The following KLF17 variants were observed in gnomAD, a reference collection of about 807,000 sequenced individuals.
KLF17 encodes Krueppel-like factor 17.
KLF17 carries 31 observed loss-of-function variants against 34.2 expected under a neutral mutation model. That is an observed-to-expected ratio of 0.91 (90% CI 0.68 to 1.22). KLF17 has a LOEUF of 1.22. Ranked by LOEUF, KLF17 falls within the 50% of genes most tolerant of loss-of-function variation. The probability of loss-of-function intolerance (pLI) is 0.00; values close to 1 mark genes in which losing one functional copy is unlikely to be tolerated. For missense variants in KLF17, 478 were observed against 505.2 expected, an observed-to-expected ratio of 0.95 and a Z score of 0.52; for synonymous variants, 179 against 186.7, an observed-to-expected ratio of 0.96 and a Z score of 0.34.
At chr1:44,069,122 G>GACATT in the KLF17 span, among the ~76,000 whole-genome samples, 1 of 152,174 alleles carries the variant, frequency 6.6e-6, no homozygotes, top group Non-Finnish European at 1.5e-5. The surrounding 1 kb of genome is among the most constrained non-coding windows in gnomAD (Gnocchi z 4.7). Context: ...CTGGGTGGGA[G>GACATT]ACATTTCAGG....
At chr1:44,118,356 C>T (rs2087902880), upstream of KLF17, among the ~76,000 whole-genome samples, 2 of 152,228 alleles carry the variant, frequency 1.3e-5, no homozygotes, top group Non-Finnish European at 2.9e-5. Context: ...AGCTCCCAGT[C>T]TTCAGTTCGT....
intron 2 of KLF17, 124 bp from the exon 3 acceptor site, chr1:44,130,388 T>G (rs1185434982): frequency 1.4e-6 from 2 of 1,416,304 alleles, no homozygotes; most frequent in Non-Finnish European, 2.0e-6. Context: ...CTGATTGTGT[T>G]GCCCCTCCCT....
chr1:44,103,962 T>C, the KLF17 span: 7 of 865,568 alleles, frequency 8.1e-6, no homozygotes, highest in Non-Finnish European at 1.2e-5. Context: ...CCGCCTGCGG[T>C]TGGCGATCTC....
rs746059800 is a variant in KLF17, at chr1:44,129,691, TCCAAGGGTAG to T, written c.424_433del (p.Arg142GlyfsTer7). ...TAATGCCCGTAGGAGAGCCCAATATTCCAAGGGTAGCCAGGCCCTTCGGTGGGAATCTAAG... is the reference window on the plus strand; with the variant it reads ...TAATGCCCGTAGGAGAGCCCAATATTCCAGGCCCTTCGGTGGGAATCTAAG... On this transcript the variant is annotated frameshift_variant, in exon 2 of 4. Transcript: ENST00000372299. LOFTEE classifies it high-confidence loss of function. 20 of 1,614,036 alleles carry T rather than the reference TCCAAGGGTAG, an allele frequency of 1.2e-5. No individual in the cohort carries two copies. The highest frequency in any genetic ancestry group is 1.5e-5 in the Non-Finnish European group (18 of 1,180,020).
At chr1:44,117,913 A>G (rs1438025238), upstream of KLF17, among the ~76,000 whole-genome samples, 1 of 152,198 alleles carries the variant, frequency 6.6e-6, no homozygotes, top group Non-Finnish European at 1.5e-5. Flanking sequence ...TCCTGTTTAA[A>G]AGCATCAGTG....
chr1:44,130,607 C>T lies in KLF17; in HGVS notation c.1021C>T (p.Arg341Ter), dbSNP rs147184873. 44 of 1,613,934 alleles carry T rather than the reference C, an allele frequency of 2.7e-5. 1 individual carries two copies. The South Asian group carries it at 3.8e-4, about 14-fold the overall frequency. ...ACATATGCGGGTACACACCAGATATCGACCATATAAATGTGATCAGTGCAG... is the reference window on the plus strand; with the variant it reads ...ACATATGCGGGTACACACCAGATATTGACCATATAAATGTGATCAGTGCAG... ...RRHMRVHTRY[R>*]PYKCDQCSRE... The change falls in exon 3 of 4, where the codon CGA (arginine) becomes TGA (stop). Residue 341 changes from arginine to a stop codon, truncating the protein, a stop_gained. Transcript: ENST00000372299. LOFTEE classifies it high-confidence loss of function.
At chr1:44,064,371 G>A in the KLF17 span, among the ~76,000 whole-genome samples, 15 of 152,192 alleles carry the variant, frequency 9.9e-5, no homozygotes, top group Non-Finnish European at 2.2e-4. Flanking sequence ...AACATTTGTC[G>A]GTTATCATTC....
chr1:44,109,381 C>T, the KLF17 span, among the ~76,000 whole-genome samples: 4 of 152,144 alleles, frequency 2.6e-5, no homozygotes, highest in African/African-American at 7.2e-5. Context: ...AAAACAAAAA[C>T]CTTTTTCATA....
the KLF17 span, among the ~76,000 whole-genome samples, chr1:44,080,455 G>A: frequency 8.6e-5 from 13 of 151,384 alleles, no homozygotes; most frequent in Admixed American, 5.9e-4. Context: ...AGCCAGTATG[G>A]TCTCCATCTC....
chr1:44,126,702 T>G (rs1367712145), intron 1 of KLF17, among the ~76,000 whole-genome samples: 1 of 152,072 alleles, frequency 6.6e-6, no homozygotes, highest in Non-Finnish European at 1.5e-5. Flanking sequence ...CTTTTCCCAG[T>G]CTTGGAGTCA....
the KLF17 span, among the ~76,000 whole-genome samples, chr1:44,062,774 C>T: frequency 6.6e-6 from 1 of 151,670 alleles, no homozygotes; most frequent in Non-Finnish European, 1.5e-5. Context: ...AACGAGGAAC[C>T]TCTTACATTG....
the KLF17 span, among the ~76,000 whole-genome samples, chr1:44,097,938 A>G: frequency 1.3e-5 from 2 of 152,116 alleles, no homozygotes; most frequent in Non-Finnish European, 1.5e-5. Flanking sequence ...CATATGTTGA[A>G]CCATCCTTGC....
In KLF17 at chr1:44,130,516, G is replaced by A. The variant is rs1025664104; in HGVS notation, c.930G>A (p.Glu310=). 26 of 1,613,968 alleles carry A rather than the reference G, an allele frequency of 1.6e-5. No homozygotes were observed. Among genetic ancestry groups the A allele is most frequent in the Non-Finnish European group, 2.1e-5 (25 of 1,180,016 alleles). The change falls in exon 3 of 4, where the codon GAG becomes GAA. Residue 310 remains glutamate (E), a synonymous_variant. Coordinates refer to ENST00000372299, the MANE Select transcript of KLF17 (RefSeq NM_173484.4). ...LVSHQRKHTG[E]RPYSCNWESC... ...TCTCTCCCTTGTCATTCCCAGGTGA[G>A]AGGCCATATTCTTGCAACTGGGAAA...
the KLF17 span, among the ~76,000 whole-genome samples, chr1:44,095,511 A>G: frequency 0.32 from 49,213 of 151,536 alleles, 8,089 homozygotes; most frequent in South Asian, 0.38. Flanking sequence ...CACCATGCCC[A>G]GCCTTTTATA....
the KLF17 span, chr1:44,104,171 A>G: frequency 9.4e-7 from 1 of 1,058,794 alleles, no homozygotes; most frequent in Non-Finnish European, 1.5e-6. Context: ...TGTAAGCTTC[A>G]TCCACATCCT....
At chr1:44,115,469 A>C (rs2087871252), upstream of KLF17, 1 of 150,966 alleles carries the variant, frequency 6.6e-6, no homozygotes, top group Non-Finnish European at 1.5e-5. Flanking sequence ...AAAAAAAAAA[A>C]AAACCAAAAC....
At chr1:44,111,008 A>C in the KLF17 span, among the ~76,000 whole-genome samples, 1 of 151,676 alleles carries the variant, frequency 6.6e-6, no homozygotes, top group East Asian at 1.9e-4. Flanking sequence ...TTTTTTTGAG[A>C]CAAGGTCTCT....
At chr1:44,063,228 C>T in the KLF17 span, among the ~76,000 whole-genome samples, 5 of 152,096 alleles carry the variant, frequency 3.3e-5, no homozygotes, top group Admixed American at 3.3e-4. Flanking sequence ...CTGGGTTAAC[C>T]AAGGGAGTGG....
In KLF17 at chr1:44,129,924, A is replaced by T; in HGVS notation, c.653A>T (p.His218Leu). ...CAGATGTTGCCCCCGCAAGATGCCC[A>T]TGACCTTGGGATGCCCCCAGCTGAG... The part of the protein sequence containing the change: ...MAQMLPPQDA[H>L]DLGMPPAESQ... Residue 218 changes from histidine (H) to leucine (L), a missense_variant, in exon 2 of 4, where the codon CAT becomes CTT. By Grantham distance (99) the His-to-Leu change is moderately conservative. Transcript: ENST00000372299. 1.9e-6 allele frequency: 3 copies of T among 1,614,160 alleles called. No homozygotes were observed. Among genetic ancestry groups the T allele is most frequent in the Non-Finnish European group, 2.5e-6 (3 of 1,180,030 alleles).
Sources: allele counts gnomAD v4.1 joint callset (sites outside exome capture counted in the v4.1 genomes callset), GRCh38; gene constraint gnomAD v4.1.1; non-coding constraint Gnocchi (gnomAD v3.1); transcripts MANE v1.5; gene names NCBI Gene and HGNC (gene_info 2026-07-23, HGNC 2026-07-21).